ATG10: variants seen among roughly 807,000 people sequenced by gnomAD.
ATG10 encodes the protein ubiquitin-like-conjugating enzyme ATG10.
In ATG10, 30 loss-of-function variants were observed where a neutral mutation model predicts 32.1. That is an observed-to-expected ratio of 0.94 (90% CI 0.70 to 1.27). The LOEUF is 1.27. ATG10 is among the 50% of genes most tolerant of loss of function. The pLI is 0.00. For synonymous variants in ATG10, 87 were observed against 91.5 expected (o/e 0.95, Z 0.28); for missense variants, 233 against 262.3 (o/e 0.89, Z 0.77).
chr5:82,244,859 C>T (rs1746960320), intron 5 of ATG10, among the ~76,000 whole-genome samples: 1 of 152,110 alleles, frequency 6.6e-6, no homozygotes, highest in South Asian at 2.1e-4. Flanking sequence ...GGAAATATGC[C>T]TATATAACTT....
At chr5:82,173,423 AATT>A (rs1268820100) in intron 4 of ATG10, among the ~76,000 whole-genome samples, 3 of 152,198 alleles carry the variant, frequency 2.0e-5, no homozygotes, top group South Asian at 2.1e-4. Flanking sequence ...TGTACTTTTT[AATT>A]ATTCTATTTT....
At chr5:82,119,009 G>A (rs1765935735) in intron 3 of ATG10, among the ~76,000 whole-genome samples, 1 of 152,098 alleles carries the variant, frequency 6.6e-6, no homozygotes, top group Non-Finnish European at 1.5e-5. Context: ...GAGATTTCTG[G>A]AATATTCTAT....
chr5:82,136,004 G>C (rs1766724472), intron 3 of ATG10, among the ~76,000 whole-genome samples: 1 of 151,908 alleles, frequency 6.6e-6, no homozygotes, highest in African/African-American at 2.4e-5. Flanking sequence ...ATCTTTGTTG[G>C]TTTAAAGTCT....
intron 2 of ATG10, among the ~76,000 whole-genome samples, chr5:82,032,097 A>C (rs1762757053): frequency 6.6e-6 from 1 of 152,248 alleles, no homozygotes; most frequent in South Asian, 2.1e-4. Context: ...TGAGACAAGT[A>C]GGACCAATGA....
intron 2 of ATG10, among the ~76,000 whole-genome samples, chr5:82,013,263 C>G (rs1762178028): frequency 6.6e-6 from 1 of 152,182 alleles, no homozygotes; most frequent in Non-Finnish European, 1.5e-5. Context: ...TTGTATCATT[C>G]TTATGCCTTT....
rs1397300427 is a variant in ATG10 at position 82,165,491 on chromosome 5, A to C, written c.355+954A>C. 2.6e-5 allele frequency among the ~76,000 whole-genome samples: 4 copies of C among 152,332 alleles called. No individual in the cohort carries two copies. The East Asian group carries it at 7.7e-4, about 29-fold the overall frequency. On this transcript the variant is annotated intron_variant, in intron 4 of 7. Transcript: ENST00000282185. ...CTAATTTTGCAGTGTTGGCAGTTTA[A>C]CAAGCACTTAGGATTTAAAACACAA...
intron 2 of ATG10, among the ~76,000 whole-genome samples, chr5:82,053,561 T>C (rs192096466): frequency 2.0e-5 from 3 of 152,278 alleles, no homozygotes; most frequent in Admixed American, 2.0e-4. Context: ...TCATCTAGCA[T>C]ATTTGGGGTT....
intron 3 of ATG10, among the ~76,000 whole-genome samples, chr5:82,142,675 C>T (rs189948453): frequency 1.1e-3 from 170 of 152,012 alleles, no homozygotes; most frequent in African/African-American, 3.9e-3. Flanking sequence ...GTGGAGGGTG[C>T]GTGGGAGGTG....
intron 3 of ATG10, among the ~76,000 whole-genome samples, chr5:82,158,551 T>C (rs1385065630): frequency 1.3e-5 from 2 of 152,110 alleles, no homozygotes; most frequent in African/African-American, 4.8e-5. Context: ...TAGAGATGAT[T>C]TAAAGTATGG....
intron 5 of ATG10, among the ~76,000 whole-genome samples, chr5:82,227,866 A>T (rs1357082339): frequency 6.6e-6 from 1 of 152,140 alleles, no homozygotes; most frequent in African/African-American, 2.4e-5. Context: ...TATTGTGGGG[A>T]TTAAATTGAT....
At chr5:82,188,997 G>T (rs1245419969) in intron 5 of ATG10, among the ~76,000 whole-genome samples, 1 of 152,026 alleles carries the variant, frequency 6.6e-6, no homozygotes, top group Non-Finnish European at 1.5e-5. Context: ...TTAAAAAGTT[G>T]GTCAATAAAT....
At chr5:82,236,172 T>A (rs928634129) in intron 5 of ATG10, among the ~76,000 whole-genome samples, 2 of 152,186 alleles carry the variant, frequency 1.3e-5, no homozygotes, top group Admixed American at 6.5e-5. Context: ...CTTATCATCA[T>A]GCCTGACCTA....
chr5:82,045,322 CATT>C (rs1259713172), intron 2 of ATG10, among the ~76,000 whole-genome samples: 1 of 151,984 alleles, frequency 6.6e-6, no homozygotes, highest in Non-Finnish European at 1.5e-5. Context: ...TAGGTTAAGA[CATT>C]ATATATGTGA....
intron 2 of ATG10, among the ~76,000 whole-genome samples, chr5:82,004,658 G>T (rs573447287): frequency 1.3e-5 from 2 of 152,220 alleles, no homozygotes; most frequent in East Asian, 3.9e-4. Flanking sequence ...GTGGTCCTAG[G>T]GTGCATGACG....
intron 3 of ATG10, among the ~76,000 whole-genome samples, chr5:82,059,476 A>T (rs186444766): frequency 6.6e-6 from 1 of 151,560 alleles, no homozygotes. Flanking sequence ...GCAGATTTCC[A>T]TAGTTCTCTT....
chr5:82,053,281 A>C (rs1339994720), intron 2 of ATG10, among the ~76,000 whole-genome samples: 1 of 152,132 alleles, frequency 6.6e-6, no homozygotes, highest in Non-Finnish European at 1.5e-5. Context: ...TTAGTAAACT[A>C]TCTGTGTATC....
At chr5:82,185,489 C>A (rs1718720381) in intron 5 of ATG10, among the ~76,000 whole-genome samples, 1 of 152,124 alleles carries the variant, frequency 6.6e-6, no homozygotes, top group African/African-American at 2.4e-5. Context: ...GAAGCCTGTG[C>A]AGCACACATT....
At chr5:82,005,684 G>T (rs1313742150) in intron 2 of ATG10, among the ~76,000 whole-genome samples, 4 of 152,100 alleles carry the variant, frequency 2.6e-5, no homozygotes, top group Non-Finnish European at 5.9e-5. Context: ...TTCAGTTTAG[G>T]ATCTCAGTTT....
chr5:82,078,705 C>T (rs1764362802), intron 3 of ATG10: 1 of 152,160 alleles, frequency 6.6e-6, no homozygotes, highest in Non-Finnish European at 1.5e-5. Context: ...GCCTGGGTGA[C>T]ATAGTGAGAC....
Sources: gnomAD v4.1 joint callset for allele counts (sites outside exome capture counted in the v4.1 genomes callset) on GRCh38, gnomAD v4.1.1 for gene constraint, MANE v1.5 for transcripts, NCBI Gene and HGNC (gene_info 2026-07-23, HGNC 2026-07-21) for gene names.